Variants in FHIT observed in about 807,000 individuals in gnomAD.
FHIT encodes the protein bis(5'-adenosyl)-triphosphatase.
FHIT carries 19 observed loss-of-function variants against 17.9 expected under a neutral mutation model. That is an observed-to-expected ratio of 1.06 (90% CI 0.74 to 1.56). The LOEUF (loss-of-function observed/expected upper bound fraction) is 1.56, where lower values mean the gene tolerates loss of function less well. Ranked by LOEUF, FHIT falls within the 40% of genes most tolerant of loss-of-function variation. The pLI is 0.00. For missense variants in FHIT, 248 were observed against 189.2 expected, an observed-to-expected ratio of 1.31 and a Z score of -1.82; for synonymous variants, 81 against 69.7, an observed-to-expected ratio of 1.16 and a Z score of -0.81.
At chr3:60,873,594 C>A (rs1704514149) in intron 3 of FHIT, among the ~76,000 whole-genome samples, 1 of 152,182 alleles carries the variant, frequency 6.6e-6, no homozygotes, top group African/African-American at 2.4e-5. Context: ...CTGCCTCTAT[C>A]TGATGGTCCT....
chr3:60,288,813 G>A (rs1576426882), intron 5 of FHIT, among the ~76,000 whole-genome samples: 1 of 152,082 alleles, frequency 6.6e-6, no homozygotes, highest in Non-Finnish European at 1.5e-5. Flanking sequence ...ATTATACAAT[G>A]AAACCCAATG....
At chr3:61,157,475 TTACTG>T (rs1328847625) in intron 2 of FHIT, among the ~76,000 whole-genome samples, 2 of 152,170 alleles carry the variant, frequency 1.3e-5, no homozygotes, top group African/African-American at 4.8e-5. Context: ...GTGGTTCACC[TTACTG>T]TAGCAAAGGA....
At chr3:60,589,330 C>G (rs1372756098) in intron 4 of FHIT, among the ~76,000 whole-genome samples, 1 of 151,952 alleles carries the variant, frequency 6.6e-6, no homozygotes, top group African/African-American at 2.4e-5. Flanking sequence ...TTTGTAGAAC[C>G]AATCACTTGT....
chr3:60,138,477 C>G (rs1699907029), intron 5 of FHIT, among the ~76,000 whole-genome samples: 1 of 152,118 alleles, frequency 6.6e-6, no homozygotes. Flanking sequence ...ATTGAATGGA[C>G]AAAACTAGCA....
chr3:60,575,037 A>T (rs1553657073), intron 4 of FHIT, among the ~76,000 whole-genome samples: 1 of 152,162 alleles, frequency 6.6e-6, no homozygotes, highest in African/African-American at 2.4e-5. Context: ...AAGTGGAGTA[A>T]AGAATAAAGG....
At chr3:61,041,391 T>G (rs1002846115) in intron 3 of FHIT, among the ~76,000 whole-genome samples, 1 of 151,624 alleles carries the variant, frequency 6.6e-6, no homozygotes, top group African/African-American at 2.4e-5. Context: ...AAAAAAAAAT[T>G]TACAAGACTA....
At chr3:60,353,600 C>T (rs1334186998) in intron 5 of FHIT, among the ~76,000 whole-genome samples, 1 of 151,770 alleles carries the variant, frequency 6.6e-6, no homozygotes, top group African/African-American at 2.4e-5. Context: ...CTTAATCAAA[C>T]AAAAAAGTGA....
rs1388691774 is a variant in FHIT at position 60,097,894 on chromosome 3, G to T, written c.104-83742C>A. ...CCCACCCCACAACAGGCCCCGGTGT[G>T]TGATGTTCCCCTTCCTGTGTCCATG... is the stretch of plus-strand genomic sequence containing the variant. On this transcript the variant is annotated intron_variant, in intron 5 of 9. Coordinates refer to ENST00000492590, the MANE Select transcript of FHIT (RefSeq NM_002012.4). Among the ~76,000 whole-genome samples, 867 of 130,564 alleles carry T rather than the reference G, an allele frequency of 6.6e-3. 13 individuals are homozygous for T. The highest frequency in any genetic ancestry group is 0.024 in the African/African-American group (804 of 33,536). 85.7% of individuals were successfully genotyped at this position (130,564 alleles called of 152,430 possible). A position where few individuals can be genotyped will look rare whatever the true frequency, so the allele number is the denominator to read the frequency against.
At chr3:60,872,919 C>G (rs1553755334) in intron 3 of FHIT, among the ~76,000 whole-genome samples, 1 of 152,036 alleles carries the variant, frequency 6.6e-6, no homozygotes, top group Non-Finnish European at 1.5e-5. Context: ...GACAAAGATG[C>G]TTAAATTGTT....
At chr3:60,373,410 C>G (rs970144852) in intron 5 of FHIT, among the ~76,000 whole-genome samples, 1 of 152,110 alleles carries the variant, frequency 6.6e-6, no homozygotes, top group Non-Finnish European at 1.5e-5. Context: ...GAGAGCAGGT[C>G]AGTGTGGTTG....
At chr3:59,880,316 T>C (rs1029585270) in intron 8 of FHIT, among the ~76,000 whole-genome samples, 2 of 152,134 alleles carry the variant, frequency 1.3e-5, no homozygotes, top group Non-Finnish European at 2.9e-5. Context: ...CTCCTTCCCT[T>C]CATCCAGCTT....
At chr3:60,456,800 C>T (rs1199108627) in intron 5 of FHIT, among the ~76,000 whole-genome samples, 1 of 152,018 alleles carries the variant, frequency 6.6e-6, no homozygotes, top group Non-Finnish European at 1.5e-5. Context: ...TACATCAAGA[C>T]TATATGGATC....
chr3:60,186,800 G>A (rs945985608), intron 5 of FHIT, among the ~76,000 whole-genome samples: 6 of 146,492 alleles, frequency 4.1e-5, no homozygotes, highest in African/African-American at 1.5e-4. Context: ...GTAGATGGAT[G>A]TTTTTATTGT....
At chr3:60,006,036 T>C (rs1183448074) in intron 7 of FHIT, among the ~76,000 whole-genome samples, 1 of 152,128 alleles carries the variant, frequency 6.6e-6, no homozygotes, top group East Asian at 1.9e-4. Context: ...ACATCAGAAC[T>C]ACCGAGTCAG....
chr3:60,015,896 T>C (rs1012006708), intron 5 of FHIT, among the ~76,000 whole-genome samples: 1 of 152,242 alleles, frequency 6.6e-6, no homozygotes, highest in Admixed American at 6.5e-5. Flanking sequence ...CAATTTTGCT[T>C]GTTTGCATGT....
At chr3:60,491,374 T>C (rs2034058610) in intron 5 of FHIT, among the ~76,000 whole-genome samples, 1 of 152,004 alleles carries the variant, frequency 6.6e-6, no homozygotes, top group Non-Finnish European at 1.5e-5. Flanking sequence ...CTTATAATGT[T>C]TCATACGAAA....
At chr3:59,843,608 C>T (rs9871183) in intron 8 of FHIT, among the ~76,000 whole-genome samples, 5,001 of 152,216 alleles carry the variant, frequency 0.033, 244 homozygotes, top group African/African-American at 0.11. Flanking sequence ...TTTCACTGTA[C>T]AAGTTTTTCA....
intron 7 of FHIT, among the ~76,000 whole-genome samples, chr3:59,990,534 A>C (rs1325928841): frequency 6.6e-6 from 1 of 152,108 alleles, no homozygotes; most frequent in Non-Finnish European, 1.5e-5. Context: ...TCCACTTTGC[A>C]AACTGCTTAC....
At chr3:61,056,299 G>C (rs1017803223) in intron 2 of FHIT, among the ~76,000 whole-genome samples, 1 of 152,202 alleles carries the variant, frequency 6.6e-6, no homozygotes, top group African/African-American at 2.4e-5. Context: ...GGTGAAGATT[G>C]GGATTAGGGA....
Sources: gnomAD v4.1 joint callset for allele counts (sites outside exome capture counted in the v4.1 genomes callset) on GRCh38, gnomAD v4.1.1 for gene constraint, MANE v1.5 for transcripts, NCBI Gene and HGNC (gene_info 2026-07-23, HGNC 2026-07-21) for gene names.